Variants in IMMP2L observed in about 807,000 individuals in gnomAD.
The protein encoded by IMMP2L is mitochondrial inner membrane protease subunit 2.
In IMMP2L, 18 loss-of-function variants were observed where a neutral mutation model predicts 19.3. The ratio of observed to expected loss-of-function variants is 0.93; its 90% CI spans 0.64 to 1.38. The LOEUF is 1.38. IMMP2L is among the 40% of genes most tolerant of loss of function. The pLI, the probability that IMMP2L is intolerant of heterozygous loss-of-function variation, is 0.00. For missense variants in IMMP2L, 233 were observed against 218.2 expected (o/e 1.07, Z -0.43); for synonymous variants, 76 against 73.0 (o/e 1.04, Z -0.21).
chr7:111,503,018 T>C (rs1190358573), intron 2 of IMMP2L, among the ~76,000 whole-genome samples: 1 of 151,282 alleles, frequency 6.6e-6, no homozygotes. Flanking sequence ...TTCAAAAAAT[T>C]AATGAATCCA....
chr7:111,074,437 C>G (rs376257883), intron 3 of IMMP2L, among the ~76,000 whole-genome samples: 1 of 152,184 alleles, frequency 6.6e-6, no homozygotes, highest in African/African-American at 2.4e-5. Context: ...TCTTAAGGTT[C>G]GGAGCAAAAC....
At chr7:110,944,707 T>C (rs1024288884) in intron 4 of IMMP2L, among the ~76,000 whole-genome samples, 3 of 151,946 alleles carry the variant, frequency 2.0e-5, no homozygotes, top group African/African-American at 7.2e-5. Context: ...GGGATGGAAG[T>C]GGCAGTCAGA....
chr7:111,131,502 T>C (rs1162301780), intron 3 of IMMP2L, among the ~76,000 whole-genome samples: 2 of 152,110 alleles, frequency 1.3e-5, no homozygotes, highest in South Asian at 2.1e-4. Context: ...CACTAAATTG[T>C]GAATATGTGC....
chr7:110,948,279 A>C (rs892350055), intron 4 of IMMP2L, among the ~76,000 whole-genome samples: 1 of 152,226 alleles, frequency 6.6e-6, no homozygotes, highest in African/African-American at 2.4e-5. Context: ...TCAACATTTA[A>C]ATATGGAAAT....
chr7:111,441,660 T>C (rs539075579), intron 3 of IMMP2L, among the ~76,000 whole-genome samples: 8 of 150,428 alleles, frequency 5.3e-5, no homozygotes, highest in Non-Finnish European at 1.2e-4. Context: ...GCACATGGTG[T>C]TGAAAAAATG....
At chr7:111,404,014 G>A (rs1047678365) in intron 3 of IMMP2L, among the ~76,000 whole-genome samples, 38 of 152,028 alleles carry the variant, frequency 2.5e-4, no homozygotes, top group African/African-American at 8.0e-4. Context: ...ATCCAGCAGC[G>A]GCATAACACA....
chr7:111,412,069 G>T (rs1834485459), intron 3 of IMMP2L, among the ~76,000 whole-genome samples: 1 of 151,736 alleles, frequency 6.6e-6, no homozygotes, highest in Non-Finnish European at 1.5e-5. Context: ...AAAGGGAAGG[G>T]TGGAGGACAA....
At chr7:110,795,269 G>T (rs1800784036) in intron 5 of IMMP2L, among the ~76,000 whole-genome samples, 1 of 151,952 alleles carries the variant, frequency 6.6e-6, no homozygotes, top group Non-Finnish European at 1.5e-5. Flanking sequence ...AAGCTAGTAG[G>T]TTTTCCTAGC....
At chr7:110,855,997 A>G (rs1232634422) in intron 5 of IMMP2L, among the ~76,000 whole-genome samples, 1 of 152,100 alleles carries the variant, frequency 6.6e-6, no homozygotes, top group East Asian at 1.9e-4. Flanking sequence ...TGCTTATAGT[A>G]AAACAAATTC....
At chr7:110,695,072 G>A (rs1039376499) in intron 5 of IMMP2L, among the ~76,000 whole-genome samples, 4 of 152,100 alleles carry the variant, frequency 2.6e-5, no homozygotes, top group Non-Finnish European at 5.9e-5. Flanking sequence ...TAGGGAAATG[G>A]GGAGTAATTT....
chr7:111,536,468 G>A (rs1847896207), intron 1 of IMMP2L, among the ~76,000 whole-genome samples: 1 of 151,896 alleles, frequency 6.6e-6, no homozygotes, highest in African/African-American at 2.4e-5. Flanking sequence ...ACCAGGCCTG[G>A]CTAATTTTTT....
At chr7:111,506,429 G>A (rs1554527339) in intron 2 of IMMP2L, among the ~76,000 whole-genome samples, 1 of 150,960 alleles carries the variant, frequency 6.6e-6, no homozygotes, top group South Asian at 2.1e-4. Context: ...TCTTTTTCTT[G>A]CCCTGTCCCC....
At chr7:111,141,452 T>C (rs1284019210) in intron 3 of IMMP2L, among the ~76,000 whole-genome samples, 1 of 151,024 alleles carries the variant, frequency 6.6e-6, no homozygotes, top group Non-Finnish European at 1.5e-5. Context: ...TTTTTTTTTG[T>C]ATAATTTTGT....
At chr7:110,812,123 T>A (rs757344939) in intron 5 of IMMP2L, among the ~76,000 whole-genome samples, 1 of 152,092 alleles carries the variant, frequency 6.6e-6, no homozygotes, top group Non-Finnish European at 1.5e-5. Flanking sequence ...AATGTACCTA[T>A]GTAGTTTCTA....
chr7:111,320,294 A>C (rs1253900071), intron 3 of IMMP2L, among the ~76,000 whole-genome samples: 1 of 152,002 alleles, frequency 6.6e-6, no homozygotes, highest in African/African-American at 2.4e-5. Context: ...TCTTACTCAA[A>C]TCAGAAGCTG....
intron 3 of IMMP2L, among the ~76,000 whole-genome samples, chr7:111,328,480 A>G (rs964104599): frequency 1.1e-4 from 16 of 151,838 alleles, no homozygotes; most frequent in African/African-American, 3.9e-4. Flanking sequence ...CAGGGCCCAC[A>G]AATTCTAAAA....
At chr7:111,062,945 G>C (rs375640455) in intron 3 of IMMP2L, among the ~76,000 whole-genome samples, 7 of 152,282 alleles carry the variant, frequency 4.6e-5, no homozygotes, top group African/African-American at 1.7e-4. Flanking sequence ...CCAGGCACAT[G>C]GTGCAAGTTG....
At chr7:111,190,883 A>G (rs973580553) in intron 3 of IMMP2L, among the ~76,000 whole-genome samples, 3 of 152,138 alleles carry the variant, frequency 2.0e-5, no homozygotes, top group African/African-American at 7.2e-5. Context: ...GCAGCTGGGG[A>G]AGGAGAGCTG....
At chr7:110,920,290 A>C (rs1814121313) in intron 4 of IMMP2L, among the ~76,000 whole-genome samples, 1 of 152,160 alleles carries the variant, frequency 6.6e-6, no homozygotes, top group African/African-American at 2.4e-5. Flanking sequence ...AGGGAACCCT[A>C]ATACAGTAGG....
Sources: gnomAD v4.1 joint callset for allele counts (sites outside exome capture counted in the v4.1 genomes callset) on GRCh38, gnomAD v4.1.1 for gene constraint, MANE v1.5 for transcripts, NCBI Gene and HGNC (gene_info 2026-07-23, HGNC 2026-07-21) for gene names.